The following SPATA17 variants were observed in gnomAD, a reference collection of about 807,000 sequenced individuals.
SPATA17 encodes spermatogenesis-associated protein 17.
Under a neutral mutation model 62.2 loss-of-function variants are expected in SPATA17, and 53 were observed. That is an observed-to-expected ratio of 0.85 (90% CI 0.68 to 1.07). The LOEUF is 1.07. SPATA17 is among the 50% of genes least tolerant of loss of function. SPATA17 has a pLI of 0.00. For synonymous variants in SPATA17, 146 were observed against 146.8 expected (o/e 0.99, Z 0.04); for missense variants, 466 against 425.5 (o/e 1.10, Z -0.84).
intron 9 of SPATA17, among the ~76,000 whole-genome samples, chr1:217,818,769 A>T (rs76458775): frequency 0.03 from 4,484 of 151,390 alleles, 145 homozygotes; most frequent in African/African-American, 0.075. Context: ...ATTCTTTTTT[A>T]CTGTTTTGTT....
At chr1:217,827,346 A>G (rs1675020618) in intron 9 of SPATA17, among the ~76,000 whole-genome samples, 1 of 152,136 alleles carries the variant, frequency 6.6e-6, no homozygotes, top group Admixed American at 6.6e-5. Context: ...CATACTACCC[A>G]AAGCAATATA....
At chr1:217,859,738 A>C (rs1057471925) in intron 9 of SPATA17, among the ~76,000 whole-genome samples, 3 of 152,138 alleles carry the variant, frequency 2.0e-5, no homozygotes, top group Non-Finnish European at 2.9e-5. Flanking sequence ...TCATAGGATT[A>C]GAAGTGATGG....
At chr1:217,847,535 G>A (rs1315207546) in intron 9 of SPATA17, among the ~76,000 whole-genome samples, 1 of 152,108 alleles carries the variant, frequency 6.6e-6, no homozygotes, top group Non-Finnish European at 1.5e-5. Context: ...ATTAGTAAAT[G>A]TGTACATAAT....
intron 1 of SPATA17, among the ~76,000 whole-genome samples, chr1:217,638,270 T>C (rs1249724962): frequency 6.6e-6 from 1 of 152,008 alleles, no homozygotes; most frequent in Non-Finnish European, 1.5e-5. Flanking sequence ...TTCAGTCAGA[T>C]AAAGTTCTGC....
intron 3 of SPATA17, among the ~76,000 whole-genome samples, chr1:217,658,384 C>G (rs1670487515): frequency 6.6e-6 from 1 of 152,176 alleles, no homozygotes; most frequent in African/African-American, 2.4e-5. Flanking sequence ...TGAGTAAAAG[C>G]TTCCTGAGGC....
At chr1:217,846,988 T>A (rs558169062) in intron 9 of SPATA17, among the ~76,000 whole-genome samples, 1 of 152,130 alleles carries the variant, frequency 6.6e-6, no homozygotes, top group African/African-American at 2.4e-5. Context: ...TGATAAATTC[T>A]TATTTGCAGA....
intron 9 of SPATA17, among the ~76,000 whole-genome samples, chr1:217,836,767 A>G (rs1477389394): frequency 6.6e-6 from 1 of 152,150 alleles, no homozygotes; most frequent in East Asian, 1.9e-4. Flanking sequence ...TGACCTCTCA[A>G]GTATTTTCAC....
intron 5 of SPATA17, among the ~76,000 whole-genome samples, chr1:217,698,288 G>T (rs1012112337): frequency 1.3e-5 from 2 of 152,050 alleles, no homozygotes; most frequent in African/African-American, 4.8e-5. Flanking sequence ...ACAAAAATTA[G>T]CTGGGCATGG....
chr1:217,747,410 A>G (rs1350019323), intron 6 of SPATA17, among the ~76,000 whole-genome samples: 4 of 152,142 alleles, frequency 2.6e-5, no homozygotes, highest in Non-Finnish European at 1.5e-5. Flanking sequence ...GATTTATTAA[A>G]AGATGCCTGT....
intron 5 of SPATA17, among the ~76,000 whole-genome samples, chr1:217,685,653 A>C (rs967215371): frequency 1.3e-5 from 2 of 152,202 alleles, no homozygotes; most frequent in African/African-American, 4.8e-5. Context: ...TACTAATATC[A>C]AACCATCATT....
intron 9 of SPATA17, among the ~76,000 whole-genome samples, chr1:217,820,671 T>C (rs1029061757): frequency 6.6e-6 from 1 of 151,986 alleles, no homozygotes; most frequent in Non-Finnish European, 1.5e-5. Flanking sequence ...CAATTAGATA[T>C]GTCAAATAAA....
chr1:217,648,205 C>T (rs908787263), intron 1 of SPATA17, among the ~76,000 whole-genome samples: 2 of 152,088 alleles, frequency 1.3e-5, no homozygotes, highest in African/African-American at 4.8e-5. Context: ...GGTAATGCAA[C>T]TATTTATATA....
chr1:217,685,983 A>G (rs1313960242), intron 5 of SPATA17, among the ~76,000 whole-genome samples: 1 of 152,064 alleles, frequency 6.6e-6, no homozygotes, highest in Non-Finnish European at 1.5e-5. Context: ...CTAATTTATA[A>G]ATTAAACTTT....
intron 5 of SPATA17, among the ~76,000 whole-genome samples, chr1:217,700,513 A>G (rs1671569627): frequency 6.6e-6 from 1 of 152,162 alleles, no homozygotes; most frequent in Non-Finnish European, 1.5e-5. Flanking sequence ...TTTTGATTGA[A>G]TACACACCCA....
At chr1:217,696,692 T>C (rs1362667876) in intron 5 of SPATA17, among the ~76,000 whole-genome samples, 1 of 152,234 alleles carries the variant, frequency 6.6e-6, no homozygotes, top group African/African-American at 2.4e-5. Context: ...CCTGATTTTT[T>C]TCTCGATGTA....
intron 9 of SPATA17, among the ~76,000 whole-genome samples, chr1:217,858,319 A>G (rs899766694): frequency 6.6e-6 from 1 of 152,170 alleles, no homozygotes; most frequent in Non-Finnish European, 1.5e-5. Context: ...TTTTTGAAAG[A>G]ACATGGTAGG....
chr1:217,822,373 T>G (rs1674885448), intron 9 of SPATA17, among the ~76,000 whole-genome samples: 1 of 151,784 alleles, frequency 6.6e-6, no homozygotes, highest in African/African-American at 2.4e-5. Flanking sequence ...AGACATGTTT[T>G]TTTATATCTT....
chr1:217,699,835 C>T (rs1671550252), intron 5 of SPATA17, among the ~76,000 whole-genome samples: 1 of 152,056 alleles, frequency 6.6e-6, no homozygotes, highest in Admixed American at 6.6e-5. Context: ...TTATTGTCGT[C>T]CATTCTACAT....
chr1:217,739,079 AT>A (rs1294797994), intron 5 of SPATA17, among the ~76,000 whole-genome samples: 1 of 152,328 alleles, frequency 6.6e-6, no homozygotes, highest in East Asian at 1.9e-4. Context: ...TATGAATATC[AT>A]TGGCAAAATA....
Sources: allele counts gnomAD v4.1 joint callset (sites outside exome capture counted in the v4.1 genomes callset), GRCh38; gene constraint gnomAD v4.1.1; transcripts MANE v1.5; gene names NCBI Gene and HGNC (gene_info 2026-07-23, HGNC 2026-07-21).